Variants in SLC12A6 observed in about 807,000 individuals in gnomAD.
The protein encoded by SLC12A6 is solute carrier family 12 member 6, also known as K-Cl cotransporter 3.
SLC12A6 carries 66 observed loss-of-function variants against 135.3 expected under a neutral mutation model. The ratio of observed to expected loss-of-function variants is 0.49; its 90% CI spans 0.40 to 0.60. SLC12A6 has a LOEUF of 0.60. Ranked by LOEUF, SLC12A6 falls within the 20% of genes least tolerant of loss-of-function variation. The probability of loss-of-function intolerance (pLI) is 0.00; values close to 1 mark genes in which losing one functional copy is unlikely to be tolerated. For missense variants in SLC12A6, 1,058 were observed against 1,452.3 expected, an observed-to-expected ratio of 0.73 and a Z score of 4.41; for synonymous variants, 513 against 508.8, an observed-to-expected ratio of 1.01 and a Z score of -0.11.
At chr15:34,292,414 G>A (rs371817344) in intron 2 of SLC12A6, among the ~76,000 whole-genome samples, 43 of 152,138 alleles carry the variant, frequency 2.8e-4, no homozygotes, top group African/African-American at 1.0e-3. Flanking sequence ...GCCCCTACTG[G>A]GAGATGTCTC....
Position 34,252,135 on chromosome 15 carries a change from T to C in SLC12A6, c.1333+35A>G, listed in dbSNP as rs376726141. 4.1e-5 allele frequency: 46 copies of C among 1,111,442 alleles called. No individual in the cohort carries two copies. The African/African-American group carries it at 4.2e-4, about 10-fold the overall frequency. 68.8% of individuals were successfully genotyped at this position (1,111,442 alleles called of 1,614,324 possible). ...GACAAGGCCTATTTTCCCCAGAAAA[T>C]AGGAAAAAACTTGTCCAATAACTCC... On this transcript the variant is annotated intron_variant, in intron 10 of 25. Transcript: ENST00000354181.
chr15:34,299,267 G>A (rs757887776), intron 2 of SLC12A6, among the ~76,000 whole-genome samples: 1 of 152,152 alleles, frequency 6.6e-6, no homozygotes, highest in African/African-American at 2.4e-5. Flanking sequence ...GGGTGAACTC[G>A]AAAAACTTCA....
At chr15:34,309,715 G>C (rs935094538) in intron 2 of SLC12A6, among the ~76,000 whole-genome samples, 1 of 152,170 alleles carries the variant, frequency 6.6e-6, no homozygotes, top group African/African-American at 2.4e-5. Context: ...TTTCAGAGAG[G>C]TATTAGTCTT....
At position 34,249,407 on chromosome 15, in the gene SLC12A6, A is replaced by T. The variant is rs558948124; in HGVS notation, c.1649+891T>A. ...AGGCCCCATCTTTACAAAAAAAATT[A>T]AAAAAAACTACTAGCTGGGTGTGGT... On this transcript the variant is annotated intron_variant, in intron 13 of 25. Coordinates refer to ENST00000354181, the MANE Select transcript of SLC12A6 (RefSeq NM_001365088.1). Among the ~76,000 whole-genome samples the T allele has an allele frequency of 1.8e-4, 27 of 151,844 alleles. 1 individual carries two copies. Among genetic ancestry groups the T allele is most frequent in the Admixed American group, 1.2e-3 (19 of 15,254 alleles).
chr15:34,261,032 AAAG>A lies in SLC12A6; in HGVS notation c.317-15_317-13del. On this transcript the variant is annotated splice_polypyrimidine_tract_variant and intron_variant, in intron 3 of 25. Coordinates refer to ENST00000354181, the MANE Select transcript of SLC12A6 (RefSeq NM_001365088.1). ...CTTATGTCCGTCGTCTGGAAAAAAAAAAGTAGACCAAGTTAGTTTCTCACTGGT... is the reference window on the plus strand; with the variant it reads ...CTTATGTCCGTCGTCTGGAAAAAAAATAGACCAAGTTAGTTTCTCACTGGT... 7.3e-7 allele frequency: 1 copy of A among 1,365,962 alleles called. No individual in the cohort carries two copies. Among genetic ancestry groups the A allele is most frequent in the South Asian group, 1.2e-5 (1 of 85,990 alleles). 84.6% of individuals were successfully genotyped at this position (1,365,962 alleles called of 1,614,324 possible). A position where few individuals can be genotyped will look rare whatever the true frequency, so the allele number is the denominator to read the frequency against.
At chr15:34,310,373 T>C (rs576567333) in intron 2 of SLC12A6, among the ~76,000 whole-genome samples, 1 of 138,394 alleles carries the variant, frequency 7.2e-6, no homozygotes, top group South Asian at 2.6e-4. Flanking sequence ...AGTGTGTGTG[T>C]GTGTCCCTGT....
Position 34,232,775 on chromosome 15 carries a change from A to G in SLC12A6, c.*1106T>C, listed in dbSNP as rs1223766071. ...TGCCATTTTAGTAAAGTAGGTAAGG[A>G]GAGTAGCCGCTCAGTAACGTTGGCA... On this transcript the variant is annotated 3_prime_UTR_variant, in exon 26 of 26. Coordinates refer to ENST00000354181, the MANE Select transcript of SLC12A6 (RefSeq NM_001365088.1). 1.3e-5 allele frequency: 2 copies of G among 152,576 alleles called. No homozygotes were observed. The highest frequency in any genetic ancestry group is 2.9e-5 in the Non-Finnish European group (2 of 68,038). 9.5% of individuals were successfully genotyped at this position (152,576 alleles called of 1,614,324 possible). A position where few individuals can be genotyped will look rare whatever the true frequency, so the allele number is the denominator to read the frequency against.
rs1278228543 is a variant in SLC12A6 at position 34,230,220 on chromosome 15, A to T, written c.*3661T>A. The T allele has an allele frequency of 5.9e-6, 1 of 168,668 alleles. No homozygotes were observed. Among genetic ancestry groups the T allele is most frequent in the African/African-American group, 2.4e-5 (1 of 41,918 alleles). 10.4% of individuals were successfully genotyped at this position (168,668 alleles called of 1,614,324 possible). A position where few individuals can be genotyped will look rare whatever the true frequency, so the allele number is the denominator to read the frequency against. ...TATTTAATACAAGCTGGGACATAAA[A>T]ATTCTGTTGGGGATACCTGGGGGAA... On this transcript the variant is annotated 3_prime_UTR_variant, in exon 26 of 26. Coordinates refer to ENST00000354181, the MANE Select transcript of SLC12A6 (RefSeq NM_001365088.1).
At chr15:34,319,737 T>C (rs1888924788) in intron 2 of SLC12A6, among the ~76,000 whole-genome samples, 1 of 151,410 alleles carries the variant, frequency 6.6e-6, no homozygotes, top group Non-Finnish European at 1.5e-5. Flanking sequence ...AGGCGGAGAT[T>C]GCAGTGAGCA....
intron 3 of SLC12A6, among the ~76,000 whole-genome samples, chr15:34,268,111 C>G (rs956167778): frequency 1.3e-5 from 2 of 152,142 alleles, no homozygotes; most frequent in African/African-American, 2.4e-5. Context: ...CAACATACTA[C>G]CTCTCTGCTA....
At chr15:34,314,326 T>C (rs190833303) in intron 2 of SLC12A6, among the ~76,000 whole-genome samples, 1,788 of 152,278 alleles carry the variant, frequency 0.012, 15 homozygotes, top group Middle Eastern at 0.034. Flanking sequence ...GGATTACAGG[T>C]GTGAGCCACT....
chr15:34,284,886 C>T (rs1269054654), intron 2 of SLC12A6, among the ~76,000 whole-genome samples: 1 of 152,194 alleles, frequency 6.6e-6, no homozygotes, highest in Non-Finnish European at 1.5e-5. Flanking sequence ...TTGAAGATAT[C>T]TAACCATACA....
rs1463725378 is a variant in SLC12A6, at chr15:34,330,759, T to G, written c.271+5651A>C. Among the ~76,000 whole-genome samples the G allele has an allele frequency of 2.0e-5, 3 of 152,210 alleles. No individual in the cohort carries two copies. The East Asian group carries it at 5.8e-4, about 29-fold the overall frequency. Reference sequence around the variant, plus strand: ...AAGAAGGTACCAAATCAACATATTTTAGCTATTAGAATGCTGAGGTAAAAC... The same window carrying G: ...AAGAAGGTACCAAATCAACATATTTGAGCTATTAGAATGCTGAGGTAAAAC... On this transcript the variant is annotated intron_variant, in intron 2 of 25. Transcript: ENST00000354181.
chr15:34,281,132 C>T (rs1894651313), intron 2 of SLC12A6, among the ~76,000 whole-genome samples: 1 of 152,080 alleles, frequency 6.6e-6, no homozygotes, highest in Admixed American at 6.6e-5. Flanking sequence ...TAGTATTCTA[C>T]ACTATTGAAG....
chr15:34,260,370 T>TGCCTCAGCCTCCC, intron 4 of SLC12A6, among the ~76,000 whole-genome samples: 1 of 152,318 alleles, frequency 6.6e-6, no homozygotes, highest in Admixed American at 6.5e-5. Flanking sequence ...GCCATTCTCC[T>TGCCTCAGCCTCCC]GCCTCAGCCT....
At chr15:34,274,762 G>A (rs2140885038) in intron 3 of SLC12A6, among the ~76,000 whole-genome samples, 1 of 152,004 alleles carries the variant, frequency 6.6e-6, no homozygotes, top group Admixed American at 6.6e-5. Flanking sequence ...GCAGTGAGTG[G>A]AGATCGCACC....
intron 2 of SLC12A6, among the ~76,000 whole-genome samples, chr15:34,296,639 T>C (rs924893688): frequency 5.3e-5 from 8 of 152,202 alleles, no homozygotes; most frequent in African/African-American, 1.9e-4. Context: ...ATCTGGTGCA[T>C]GGAACTACAC....
intron 2 of SLC12A6, among the ~76,000 whole-genome samples, chr15:34,310,529 T>C (rs1468563817): frequency 1.6e-5 from 2 of 127,438 alleles, no homozygotes; most frequent in Admixed American, 7.9e-5. Flanking sequence ...CAGGCTAGTG[T>C]TGAACTCCTG....
intron 2 of SLC12A6, among the ~76,000 whole-genome samples, chr15:34,306,932 ATTACAT>A (rs963795203): frequency 2.0e-5 from 3 of 152,224 alleles, no homozygotes; most frequent in African/African-American, 7.2e-5. Flanking sequence ...ATACTGTATG[ATTACAT>A]TTATATAAAA....
Sources: gnomAD v4.1 joint callset for allele counts (sites outside exome capture counted in the v4.1 genomes callset) on GRCh38, gnomAD v4.1.1 for gene constraint, MANE v1.5 for transcripts, NCBI Gene and HGNC (gene_info 2026-07-23, HGNC 2026-07-21) for gene names.